RANBP2: variants seen among roughly 807,000 people sequenced by gnomAD.
The protein encoded by RANBP2 is RAN binding protein 2, also known as E3 SUMO-protein ligase RanBP2.
A neutral mutation model predicts 303.6 loss-of-function variants in RANBP2; 57 were observed. The ratio of observed to expected loss-of-function variants is 0.19; its 90% confidence interval spans 0.15 to 0.23. The LOEUF (loss-of-function observed/expected upper bound fraction) is 0.23. RANBP2 is among the 10% of genes least tolerant of loss of function. The pLI is 1.00. For missense variants in RANBP2, 3,138 were observed against 3,780.8 expected, an observed-to-expected ratio of 0.83 and a Z score of 4.46; for synonymous variants, 1,167 against 1,301.5, an observed-to-expected ratio of 0.90 and a Z score of 2.23.
chr2:109,481,110 C>G, the RANBP2 span, among the ~76,000 whole-genome samples: 2 of 152,198 alleles, frequency 1.3e-5, no homozygotes, highest in African/African-American at 2.4e-5. Flanking sequence ...GACAGCTGTT[C>G]AGAAAGGCAG....
the RANBP2 span, chr2:109,760,495 C>T: frequency 1.0e-6 from 1 of 968,278 alleles, no homozygotes; most frequent in Non-Finnish European, 1.2e-6. Context: ...AGTGTGCCTG[C>T]GCGCAAGCCG....
chr2:109,452,319 A>T, the RANBP2 span, among the ~76,000 whole-genome samples: 12 of 152,258 alleles, frequency 7.9e-5, no homozygotes, highest in East Asian at 2.3e-3. Context: ...CAGGCTTCCT[A>T]ACTTTGGGCA....
the RANBP2 span, among the ~76,000 whole-genome samples, chr2:109,597,125 G>T: frequency 5.9e-5 from 9 of 151,864 alleles, no homozygotes; most frequent in African/African-American, 2.2e-4. Context: ...TTTTTTTGTA[G>T]AGACGAGATC....
the RANBP2 span, chr2:108,846,648 A>G: frequency 3.4e-6 from 4 of 1,163,356 alleles, no homozygotes; most frequent in South Asian, 2.9e-5. Flanking sequence ...CTGCATTCCA[A>G]CCTGGGCAAC....
At position 108,765,991 on chromosome 2, in the gene RANBP2, CCTT is replaced by C. The variant is rs1175361340; in HGVS notation, c.5454_5456del (p.Ser1819del). ...AACTCATAAACCTATTGCAGAAGCT[CCTT>C]CAGCTTTCACACTGGGCTCAGAAAT... On this transcript the variant is annotated inframe_deletion, in exon 20 of 29. Coordinates refer to ENST00000283195, the MANE Select transcript of RANBP2 (RefSeq NM_006267.5). The C allele has an allele frequency of 6.2e-7, 1 of 1,614,132 alleles. No individual in the cohort carries two copies. The highest frequency in any genetic ancestry group is 2.2e-5 in the East Asian group (1 of 44,888).
the RANBP2 span, among the ~76,000 whole-genome samples, chr2:109,454,458 C>T: frequency 7.9e-5 from 12 of 152,288 alleles, no homozygotes; most frequent in African/African-American, 2.2e-4. Context: ...TGCTCCTTGC[C>T]TCCTCGGGGT....
At chr2:108,869,056 T>C in the RANBP2 span, among the ~76,000 whole-genome samples, 1 of 152,228 alleles carries the variant, frequency 6.6e-6, no homozygotes, top group Non-Finnish European at 1.5e-5. Context: ...AGAAAATTTT[T>C]TTTTCATAAT....
chr2:108,899,949 G>T, the RANBP2 span, among the ~76,000 whole-genome samples: 3 of 152,100 alleles, frequency 2.0e-5, no homozygotes, highest in African/African-American at 7.2e-5. Flanking sequence ...TCGTGTCACT[G>T]CTCTCCAACC....
the RANBP2 span, among the ~76,000 whole-genome samples, chr2:109,651,268 C>T: frequency 6.6e-6 from 1 of 152,214 alleles, no homozygotes; most frequent in East Asian, 1.9e-4. Flanking sequence ...CATATTACTC[C>T]CTGGCTCATG....
chr2:109,372,153 G>A, the RANBP2 span, among the ~76,000 whole-genome samples: 1 of 152,228 alleles, frequency 6.6e-6, no homozygotes, highest in African/African-American at 2.4e-5. Context: ...GGGTTATTGG[G>A]CAACTCTTCT....
the RANBP2 span, among the ~76,000 whole-genome samples, chr2:109,452,523 C>T: frequency 4.6e-5 from 7 of 152,230 alleles, no homozygotes; most frequent in Admixed American, 3.9e-4. Context: ...CACCCAGGCC[C>T]TTCCATGCAT....
At chr2:109,286,658 A>C in the RANBP2 span, among the ~76,000 whole-genome samples, 1 of 152,140 alleles carries the variant, frequency 6.6e-6, no homozygotes, top group African/African-American at 2.4e-5. Context: ...TGAAGCAGGA[A>C]TCTTTTCCCC....
chr2:109,468,249 C>G, the RANBP2 span, among the ~76,000 whole-genome samples: 1 of 152,210 alleles, frequency 6.6e-6, no homozygotes, highest in African/African-American at 2.4e-5. Flanking sequence ...ACCTGCACAG[C>G]ATGTGACTGT....
the RANBP2 span, among the ~76,000 whole-genome samples, chr2:109,696,708 A>G: frequency 6.6e-6 from 1 of 152,234 alleles, no homozygotes; most frequent in African/African-American, 2.4e-5. Context: ...TCTATATACC[A>G]ACTGGGGAGA....
the RANBP2 span, among the ~76,000 whole-genome samples, chr2:109,238,498 TGA>T: frequency 9.9e-5 from 13 of 131,516 alleles, no homozygotes; most frequent in South Asian, 5.0e-4. Context: ...TGTGTGTGTG[TGA>T]GAGTGAGACA....
At chr2:109,685,741 G>T in the RANBP2 span, among the ~76,000 whole-genome samples, 1 of 152,148 alleles carries the variant, frequency 6.6e-6, no homozygotes, top group Non-Finnish European at 1.5e-5. Context: ...ATTTTAAATG[G>T]CTGTCAGTTT....
chr2:109,129,812 A>T, the RANBP2 span: 1 of 1,537,968 alleles, frequency 6.5e-7, no homozygotes, highest in Non-Finnish European at 8.7e-7. Flanking sequence ...TCGCGCCACG[A>T]GCTGCGCTGC....
the RANBP2 span, among the ~76,000 whole-genome samples, chr2:109,451,103 G>T: frequency 6.6e-6 from 1 of 152,224 alleles, no homozygotes; most frequent in Non-Finnish European, 1.5e-5. Flanking sequence ...CTCCTGTGTT[G>T]TTCAGTCCAG....
At chr2:109,266,736 G>A in the RANBP2 span, among the ~76,000 whole-genome samples, 1 of 152,202 alleles carries the variant, frequency 6.6e-6, no homozygotes, top group African/African-American at 2.4e-5. Context: ...CACGGCCCAC[G>A]CTTGCTTCAT....
Sources: allele counts gnomAD v4.1 joint callset (sites outside exome capture counted in the v4.1 genomes callset), GRCh38; gene constraint gnomAD v4.1.1; transcripts MANE v1.5; gene names NCBI Gene and HGNC (gene_info 2026-07-23, HGNC 2026-07-21).